The following ADAMTS6 variants were observed in gnomAD, a reference collection of about 807,000 sequenced individuals.
ADAMTS6 encodes A disintegrin and metalloproteinase with thrombospondin motifs 6.
A neutral mutation model predicts 144.3 loss-of-function variants in ADAMTS6; 23 were observed. That is an observed-to-expected ratio of 0.16 (90% CI 0.11 to 0.23). The LOEUF (loss-of-function observed/expected upper bound fraction) is 0.23. Ranked by LOEUF, ADAMTS6 falls within the 10% of genes least tolerant of loss-of-function variation. The pLI is 1.00. For missense variants in ADAMTS6, 999 were observed against 1,379.6 expected (o/e 0.72, Z 4.37); for synonymous variants, 444 against 457.5 (o/e 0.97, Z 0.38).
intron 7 of ADAMTS6, among the ~76,000 whole-genome samples, chr5:65,435,027 A>G (rs1268074919): frequency 6.6e-6 from 1 of 152,240 alleles, no homozygotes; most frequent in Non-Finnish European, 1.5e-5. Flanking sequence ...CATATTATAC[A>G]GCAACTAAAT....
At chr5:65,245,205 C>G (rs1759523039) in intron 14 of ADAMTS6, among the ~76,000 whole-genome samples, 1 of 152,096 alleles carries the variant, frequency 6.6e-6, no homozygotes, top group Non-Finnish European at 1.5e-5. Flanking sequence ...CTACTCTGCT[C>G]TATATTTTAG....
At chr5:65,459,461 C>G (rs1011990476) in intron 4 of ADAMTS6, among the ~76,000 whole-genome samples, 2 of 152,156 alleles carry the variant, frequency 1.3e-5, no homozygotes, top group Admixed American at 1.3e-4. Context: ...ATGAACCTCA[C>G]CTTTATCCCT....
At chr5:65,208,278 C>A (rs1756256660) in intron 20 of ADAMTS6, among the ~76,000 whole-genome samples, 1 of 152,162 alleles carries the variant, frequency 6.6e-6, no homozygotes, top group Non-Finnish European at 1.5e-5. Context: ...GTTAGAATTA[C>A]CTATGGAACT....
chr5:65,334,633 A>C (rs1209358807), intron 7 of ADAMTS6, among the ~76,000 whole-genome samples: 2 of 152,194 alleles, frequency 1.3e-5, no homozygotes, highest in East Asian at 3.8e-4. Flanking sequence ...GTATACCAGC[A>C]AATTAGCATG....
chr5:65,255,644 C>G (rs757416015), intron 14 of ADAMTS6, among the ~76,000 whole-genome samples: 1 of 151,974 alleles, frequency 6.6e-6, no homozygotes, highest in Non-Finnish European at 1.5e-5. Context: ...ACCTTAGGTG[C>G]TTGGATGCTC....
intron 1 of ADAMTS6, 110 bp downstream of exon 1, chr5:65,481,233 A>C (rs1018028681): frequency 8.7e-5 from 12 of 138,502 alleles, no homozygotes; most frequent in Non-Finnish European, 1.6e-4. Flanking sequence ...AAAAAAAAAA[A>C]CACACACACA....
intron 8 of ADAMTS6, 152 bp downstream of exon 8, chr5:65,333,890 G>A (rs1747022975): frequency 3.6e-6 from 3 of 834,566 alleles, no homozygotes; most frequent in Non-Finnish European, 4.9e-6. Flanking sequence ...AAGGCTGGGT[G>A]TAACAGGTTT....
At chr5:65,307,687 G>A (rs901419951) in intron 9 of ADAMTS6, among the ~76,000 whole-genome samples, 10 of 152,190 alleles carry the variant, frequency 6.6e-5, no homozygotes, top group African/African-American at 2.2e-4. Flanking sequence ...GAGGTCATTA[G>A]CTTTGTAGAG....
chr5:65,465,516 A>AT (rs1759930245), intron 3 of ADAMTS6, among the ~76,000 whole-genome samples: 1 of 152,020 alleles, frequency 6.6e-6, no homozygotes, highest in Non-Finnish European at 1.5e-5. Context: ...GCTACTGAAA[A>AT]TTTTTTTGCT....
At chr5:65,373,850 A>C (rs1298544673) in intron 7 of ADAMTS6, among the ~76,000 whole-genome samples, 1 of 152,108 alleles carries the variant, frequency 6.6e-6, no homozygotes, top group African/African-American at 2.4e-5. Context: ...ATTGATGCAA[A>C]AATCCTCAAT....
chr5:65,394,643 G>A (rs955057567), intron 7 of ADAMTS6, among the ~76,000 whole-genome samples: 1 of 152,154 alleles, frequency 6.6e-6, no homozygotes, highest in Non-Finnish European at 1.5e-5. Context: ...TCTCATTCAA[G>A]TTTCCACAGG....
chr5:65,352,137 T>A (rs1009765295), intron 7 of ADAMTS6, among the ~76,000 whole-genome samples: 1 of 152,176 alleles, frequency 6.6e-6, no homozygotes, highest in Non-Finnish European at 1.5e-5. Flanking sequence ...GCACTGATAC[T>A]GCCCTCTACA....
At chr5:65,237,387 CA>C (rs371275883) in intron 15 of ADAMTS6, among the ~76,000 whole-genome samples, 8,103 of 77,138 alleles carry the variant, frequency 0.11, 211 homozygotes, top group Non-Finnish European at 0.15. Flanking sequence ...GACCTTGTCT[CA>C]AAAAAAAAAA....
At chr5:65,335,330 C>A (rs1487694896) in intron 7 of ADAMTS6, among the ~76,000 whole-genome samples, 1 of 152,066 alleles carries the variant, frequency 6.6e-6, no homozygotes, top group African/African-American at 2.4e-5. Flanking sequence ...AATTGGTAAG[C>A]CATGGGACTG....
chr5:65,242,025 A>G, intron 15 of ADAMTS6, 79 bp downstream of exon 15: 1 of 954,188 alleles, frequency 1.0e-6, no homozygotes, highest in Non-Finnish European at 1.5e-6. Context: ...GAATGTATGC[A>G]TGTGTTTGTA....
intron 15 of ADAMTS6, 41 bp downstream of exon 15, chr5:65,242,063 A>G (rs1423938732): frequency 7.3e-7 from 1 of 1,369,688 alleles, no homozygotes; most frequent in Non-Finnish European, 1.0e-6. Flanking sequence ...TGATATTTGC[A>G]AAGTGCTCAA....
chr5:65,274,730 G>C lies in ADAMTS6; in HGVS notation c.1513-1283C>G, dbSNP rs541085239. Among the ~76,000 whole-genome samples the C allele has an allele frequency of 1.6e-4, 24 of 152,240 alleles. No individual in the cohort carries two copies. In the South Asian group the frequency reaches 4.8e-3, roughly 30 times the overall value. ...GACAGAGTCTCACTGTGTCACCTAG[G>C]CTGGAGTGCGGTGGCACAATCTCAG... On this transcript the variant is annotated intron_variant, in intron 11 of 24. Coordinates refer to ENST00000381055, the MANE Select transcript of ADAMTS6 (RefSeq NM_197941.4).
chr5:65,417,032 GAT>G (rs1755591216), intron 7 of ADAMTS6, among the ~76,000 whole-genome samples: 1 of 152,124 alleles, frequency 6.6e-6, no homozygotes, highest in Non-Finnish European at 1.5e-5. Context: ...AATTCACCAT[GAT>G]AAAGGAGGTT....
chr5:65,375,107 A>G (rs1023052912), intron 7 of ADAMTS6, among the ~76,000 whole-genome samples: 63 of 152,354 alleles, frequency 4.1e-4, no homozygotes, highest in African/African-American at 1.4e-3. Context: ...TCAAAAATCA[A>G]TTCAAGATGG....
Sources: allele counts gnomAD v4.1 joint callset (sites outside exome capture counted in the v4.1 genomes callset), GRCh38; gene constraint gnomAD v4.1.1; transcripts MANE v1.5; gene names NCBI Gene and HGNC (gene_info 2026-07-23, HGNC 2026-07-21).